Variants in PDE4D observed in about 807,000 individuals in gnomAD.
PDE4D encodes the protein 3',5'-cyclic-AMP phosphodiesterase 4D.
PDE4D carries 24 observed loss-of-function variants against 87.4 expected under a neutral mutation model. The ratio of observed to expected loss-of-function variants is 0.27; its 90% CI spans 0.20 to 0.39. The LOEUF (loss-of-function observed/expected upper bound fraction) is 0.39, where lower values mean the gene tolerates loss of function less well. Ranked by LOEUF, PDE4D falls within the 10% of genes least tolerant of loss-of-function variation. The probability of loss-of-function intolerance (pLI) is 1.00; values close to 1 mark genes in which losing one functional copy is unlikely to be tolerated. For synonymous variants in PDE4D, 384 were observed against 383.2 expected (o/e 1.00, Z -0.02); for missense variants, 714 against 1,041.0 (o/e 0.69, Z 4.32).
intron 1 of PDE4D, among the ~76,000 whole-genome samples, chr5:59,724,337 A>C (rs115204054): frequency 6.6e-6 from 1 of 152,212 alleles, no homozygotes; most frequent in Non-Finnish European, 1.5e-5. Flanking sequence ...AGAGAAAGAT[A>C]ATTTTTATCT....
chr5:59,827,615 T>C (rs1413391532), intron 1 of PDE4D, among the ~76,000 whole-genome samples: 1 of 152,100 alleles, frequency 6.6e-6, no homozygotes, highest in Non-Finnish European at 1.5e-5. Context: ...AAAATACTCA[T>C]CAAGAAAATA....
At chr5:60,038,441 G>A (rs1175986914) in intron 2 of PDE4D, among the ~76,000 whole-genome samples, 3 of 151,978 alleles carry the variant, frequency 2.0e-5, no homozygotes, top group African/African-American at 4.8e-5. Context: ...TTGTAGATAT[G>A]CGGCGTTATT....
rs369233804 is a variant in PDE4D at position 59,697,022 on chromosome 5, G to T, written c.455+196146C>A. ...CAAGGAAGAGTACTTTCTGATCATG[G>T]TAATGAAACTGAGAGAAGATATTTG... On this transcript the variant is annotated intron_variant, in intron 1 of 14. Coordinates refer to ENST00000340635, the MANE Select transcript of PDE4D (RefSeq NM_001104631.2). Among the ~76,000 whole-genome samples, 5 of 152,280 alleles carry T rather than the reference G, an allele frequency of 3.3e-5. 1 individual carries two copies. In the South Asian group the frequency reaches 6.2e-4, roughly 19 times the overall value.
At chr5:59,598,296 T>C (rs189417531) in intron 1 of PDE4D, among the ~76,000 whole-genome samples, 52 of 152,268 alleles carry the variant, frequency 3.4e-4, no homozygotes, top group African/African-American at 1.2e-3. Flanking sequence ...ATTTCTCCTC[T>C]TTTCTCACTG....
intron 2 of PDE4D, among the ~76,000 whole-genome samples, chr5:60,097,277 G>A (rs960943904): frequency 6.6e-6 from 1 of 151,864 alleles, no homozygotes; most frequent in African/African-American, 2.4e-5. Flanking sequence ...GTGTGTGTGT[G>A]TGTGTGTGTG....
chr5:60,221,067 A>T (rs908369606), intron 1 of PDE4D, among the ~76,000 whole-genome samples: 1 of 152,140 alleles, frequency 6.6e-6, no homozygotes, highest in Non-Finnish European at 1.5e-5. Context: ...TACATAAATT[A>T]TAAATAGTCT....
At chr5:59,248,928 T>C (rs1179955278) in intron 1 of PDE4D, among the ~76,000 whole-genome samples, 1 of 152,118 alleles carries the variant, frequency 6.6e-6, no homozygotes, top group Non-Finnish European at 1.5e-5. Flanking sequence ...TAAACATTTA[T>C]CTACTCTTAA....
At chr5:59,899,656 T>C (rs1405466304) in intron 3 of PDE4D, among the ~76,000 whole-genome samples, 2 of 152,058 alleles carry the variant, frequency 1.3e-5, no homozygotes, top group Non-Finnish European at 2.9e-5. Flanking sequence ...GAGTGCTATT[T>C]TGCATTGGCT....
intron 2 of PDE4D, among the ~76,000 whole-genome samples, chr5:60,001,140 A>G (rs1344326367): frequency 6.6e-6 from 1 of 152,110 alleles, no homozygotes; most frequent in East Asian, 1.9e-4. Context: ...CTCCCTACCC[A>G]TAGACATACT....
intron 1 of PDE4D, among the ~76,000 whole-genome samples, chr5:59,411,752 A>C (rs1792721322): frequency 6.6e-6 from 1 of 152,210 alleles, no homozygotes; most frequent in African/African-American, 2.4e-5. Flanking sequence ...CTGAGGTACC[A>C]GGGGTTAGGA....
rs1219686151 is a variant in PDE4D at position 59,991,686 on chromosome 5, A to T, written c.43-2969T>A. Among the ~76,000 whole-genome samples, 3 of 152,156 alleles carry T rather than the reference A, an allele frequency of 2.0e-5. No individual in the cohort carries two copies. In the East Asian group the frequency reaches 5.8e-4, roughly 29 times the overall value. ...AATGTTTCTGTGAGATAACAAATAT[A>T]GAAAAAAACAGAAAGCATATGCACT... On this transcript the variant is annotated intron_variant, in intron 2 of 16. Coordinates refer to the PDE4D transcript ENST00000502484.
chr5:59,220,194 T>C (rs1169748342), intron 1 of PDE4D, among the ~76,000 whole-genome samples: 2 of 151,532 alleles, frequency 1.3e-5, no homozygotes, highest in Admixed American at 6.6e-5. Flanking sequence ...AAAATAAACA[T>C]GTTGCTTTTG....
chr5:60,056,429 C>G (rs1346232197), intron 2 of PDE4D, among the ~76,000 whole-genome samples: 1 of 151,894 alleles, frequency 6.6e-6, no homozygotes, highest in Non-Finnish European at 1.5e-5. Context: ...AAAAAAAAAG[C>G]ATAGCCAGCC....
At chr5:59,353,767 C>T (rs547062671) in intron 1 of PDE4D, among the ~76,000 whole-genome samples, 65 of 152,136 alleles carry the variant, frequency 4.3e-4, no homozygotes, top group African/African-American at 1.4e-3. Flanking sequence ...TTTTCTCTTT[C>T]AATCCTTCTT....
chr5:59,772,035 TA>T (rs1363572960), intron 1 of PDE4D, among the ~76,000 whole-genome samples: 1 of 152,256 alleles, frequency 6.6e-6, no homozygotes, highest in Non-Finnish European at 1.5e-5. Flanking sequence ...TACTGCTTTT[TA>T]AAAATACAAA....
intron 1 of PDE4D, among the ~76,000 whole-genome samples, chr5:59,228,333 A>C (rs980392501): frequency 1.3e-5 from 2 of 152,024 alleles, no homozygotes; most frequent in Admixed American, 1.3e-4. Context: ...CTGGGTGACA[A>C]AATAATATGT....
chr5:59,132,680 G>T (rs1384796947), intron 5 of PDE4D, among the ~76,000 whole-genome samples: 1 of 152,096 alleles, frequency 6.6e-6, no homozygotes, highest in Admixed American at 6.5e-5. Flanking sequence ...ACATATACAG[G>T]CATAGGACTT....
At chr5:60,516,920 T>A (rs1750824690) in intron 1 of PDE4D, among the ~76,000 whole-genome samples, 1 of 151,876 alleles carries the variant, frequency 6.6e-6, no homozygotes, top group South Asian at 2.1e-4. Flanking sequence ...CACTTCTGAG[T>A]GTGAGGGGTG....
intron 5 of PDE4D, among the ~76,000 whole-genome samples, chr5:59,156,134 G>C (rs1382766506): frequency 6.6e-6 from 1 of 151,810 alleles, no homozygotes; most frequent in Non-Finnish European, 1.5e-5. Flanking sequence ...CAGGAATTCA[G>C]GTAAGGAAGT....
Sources: allele counts gnomAD v4.1 joint callset (sites outside exome capture counted in the v4.1 genomes callset), GRCh38; gene constraint gnomAD v4.1.1; transcripts MANE v1.5; gene names NCBI Gene and HGNC (gene_info 2026-07-23, HGNC 2026-07-21).